The following POU2F3 variants were observed in gnomAD, a reference collection of about 807,000 sequenced individuals.
POU2F3 encodes POU class 2 homeobox 3, also known as POU domain, class 2, transcription factor 3.
A neutral mutation model predicts 59.2 loss-of-function variants in POU2F3; 23 were observed. That is an observed-to-expected ratio of 0.39 (90% confidence interval 0.28 to 0.55). POU2F3 has a LOEUF of 0.55. Ranked by LOEUF, POU2F3 falls within the 20% of genes least tolerant of loss-of-function variation. POU2F3 has a pLI of 0.66. For synonymous variants in POU2F3, 190 were observed against 214.6 expected, an observed-to-expected ratio of 0.89 and a Z score of 1.00; for missense variants, 473 against 544.5, an observed-to-expected ratio of 0.87 and a Z score of 1.31.
intron 12 of POU2F3, among the ~76,000 whole-genome samples, chr11:120,317,713 GC>G (rs5795226): frequency 0.31 from 46,743 of 152,054 alleles, 8,078 homozygotes; most frequent in Non-Finnish European, 0.39. Context: ...TCTGATGTGA[GC>G]CCAGAGCTTA....
intron 2 of POU2F3, among the ~76,000 whole-genome samples, chr11:120,253,284 G>A (rs1226162036): frequency 1.3e-5 from 2 of 150,480 alleles, no homozygotes; most frequent in Non-Finnish European, 3.0e-5. Flanking sequence ...TTTTGAGATG[G>A]AGTCTCACTC....
chr11:120,315,481 G>A (rs17245511), intron 11 of POU2F3, 54 bp downstream of exon 11: 228,881 of 1,524,482 alleles, frequency 0.15, 18,769 homozygotes, highest in South Asian at 0.23. Context: ...TAAAAAATGG[G>A]ATATTAGAAC....
chr11:120,295,406 C>T (rs1011976044), intron 3 of POU2F3, among the ~76,000 whole-genome samples: 2 of 152,240 alleles, frequency 1.3e-5, no homozygotes, highest in Non-Finnish European at 2.9e-5. Flanking sequence ...GCTCCACGTT[C>T]TCCCTCTGTC....
At chr11:120,288,119 C>T (rs369963419) in intron 3 of POU2F3, among the ~76,000 whole-genome samples, 1 of 12,230 alleles carries the variant, frequency 8.2e-5, no homozygotes, top group African/African-American at 4.4e-4. Context: ...AGAAAACAAA[C>T]AAAAAAACCA....
At position 120,307,499 on chromosome 11, in the gene POU2F3, T is replaced by A. The variant is rs1456250165; in HGVS notation, c.790T>A (p.Ser264Thr). Reference sequence around the variant, plus strand: ...TGCAGAGTCCTCTCCGTCAGACCCCTCAGTGAGCACGCCCAGCTCCTACCC... The same window carrying A: ...TGCAGAGTCCTCTCCGTCAGACCCCACAGTGAGCACGCCCAGCTCCTACCC... ...NDAESSPSDP[S>T]VSTPSSYPSL... Residue 264 changes from serine to threonine, a missense_variant, in exon 9 of 13, where the codon TCA becomes ACA. Ser to Thr is a moderately conservative substitution (Grantham distance 58). Transcript: ENST00000543440. The A allele has an allele frequency of 3.7e-6, 6 of 1,614,008 alleles. No individual in the cohort carries two copies. The South Asian group carries it at 4.4e-5, about 12-fold the overall frequency.
intron 2 of POU2F3, among the ~76,000 whole-genome samples, chr11:120,262,930 A>G (rs1484201943): frequency 1.3e-5 from 2 of 151,534 alleles, no homozygotes; most frequent in African/African-American, 4.8e-5. Flanking sequence ...CATAAAATTT[A>G]CTGTCTTAAC....
chr11:120,307,627 C>T lies in POU2F3; in HGVS notation c.906+12C>T. 2 of 1,613,824 alleles carry T rather than the reference C, an allele frequency of 1.2e-6. No individual in the cohort carries two copies. The highest frequency in any genetic ancestry group is 1.1e-5 in the South Asian group (1 of 91,072). On this transcript the variant is annotated intron_variant, in intron 9 of 12. Transcript: ENST00000543440. ...AGAGGTTTCAAGATGTGAGCAGCAC[C>T]TTCGGGTGGGCACGGGTGGGCTACC...
chr11:120,298,415 G>A, intron 4 of POU2F3, 25 bp downstream of exon 4: 2 of 1,612,554 alleles, frequency 1.2e-6, no homozygotes, highest in Non-Finnish European at 1.7e-6. Context: ...TTCACAGTGG[G>A]CCAGTGTGTT....
chr11:120,263,081 T>C, intron 2 of POU2F3, among the ~76,000 whole-genome samples: 1 of 152,116 alleles, frequency 6.6e-6, no homozygotes. Flanking sequence ...AAACTCTGCC[T>C]CCTAGGTTCA....
In POU2F3 at chr11:120,296,379, C is replaced by T. The variant is rs1441796593; in HGVS notation, c.133-1886C>T. Among the ~76,000 whole-genome samples, 4 of 152,192 alleles carry T rather than the reference C, an allele frequency of 2.6e-5. No individual in the cohort carries two copies. In the East Asian group the frequency reaches 7.7e-4, roughly 29 times the overall value. The stretch of plus-strand genomic sequence containing the variant: ...TAGTAGGATCTTCCTAATTGTCCAA[C>T]CAAAGATAATTCTTTTTTCATTTTA... On this transcript the variant is annotated intron_variant, in intron 3 of 12. Coordinates refer to ENST00000543440, the MANE Select transcript of POU2F3 (RefSeq NM_014352.4).
At chr11:120,237,057 T>A (rs574407033), upstream of POU2F3, among the ~76,000 whole-genome samples, 1 of 152,318 alleles carries the variant, frequency 6.6e-6, no homozygotes, top group South Asian at 2.1e-4. Context: ...AGGGCAGGAC[T>A]AAAATCCTGG....
At chr11:120,288,916 C>G (rs889294005) in intron 3 of POU2F3, among the ~76,000 whole-genome samples, 5 of 144,022 alleles carry the variant, frequency 3.5e-5, no homozygotes, top group African/African-American at 1.3e-4. Context: ...TTAAACCTCT[C>G]AAGACACCTT....
rs1341298830 is a variant in POU2F3, at chr11:120,307,512, C to T, written c.803C>T (p.Pro268Leu). The T allele has an allele frequency of 6.2e-7, 1 of 1,614,080 alleles. No individual in the cohort carries two copies. The highest frequency in any genetic ancestry group is 1.3e-5 in the African/African-American group (1 of 74,922). Residue 268 changes from proline (P) to leucine (L), a missense_variant, in exon 9 of 13, where the codon CCC becomes CTC. By Grantham distance (98) the Pro-to-Leu change is moderately conservative. Coordinates refer to ENST00000543440, the MANE Select transcript of POU2F3 (RefSeq NM_014352.4). ...CCGTCAGACCCCTCAGTGAGCACGC[C>T]CAGCTCCTACCCCAGCCTCAGTGAA... ...SSPSDPSVST[P>L]SSYPSLSEVF...
intron 2 of POU2F3, among the ~76,000 whole-genome samples, chr11:120,257,417 G>A (rs1939386891): frequency 6.6e-6 from 1 of 151,708 alleles, no homozygotes; most frequent in Admixed American, 6.6e-5. Context: ...CCGGCACCAC[G>A]TGACCTGCTC....
At chr11:120,307,315 A>G (rs1427630422) in intron 8 of POU2F3, among the ~76,000 whole-genome samples, 164 bp from the exon 9 acceptor site, 2 of 152,194 alleles carry the variant, frequency 1.3e-5, no homozygotes, top group Non-Finnish European at 2.9e-5. Context: ...ATGAAAAGAA[A>G]TAGGATTCTT....
In POU2F3 at chr11:120,298,457, C is replaced by T. The variant is rs890365420; in HGVS notation, c.258+67C>T. The T allele has an allele frequency of 1.9e-5, 30 of 1,592,914 alleles. No homozygotes were observed. In the African/African-American group the frequency reaches 3.7e-4, roughly 19 times the overall value. ...AATCCCTCTGTGAAATGCTCGACTT[C>T]CATGCTTGGTACTCGTCTAAAGAAC... On this transcript the variant is annotated intron_variant, in intron 4 of 12. Coordinates refer to ENST00000543440, the MANE Select transcript of POU2F3 (RefSeq NM_014352.4).
rs140667393 is a variant in POU2F3 at position 120,318,497 on chromosome 11, A to G, written c.*105A>G. 2.6e-6 allele frequency: 3 copies of G among 1,160,512 alleles called. No homozygotes were observed. In the East Asian group the frequency reaches 7.0e-5, roughly 27 times the overall value. 71.9% of individuals were successfully genotyped at this position (1,160,512 alleles called of 1,614,324 possible). A position where few individuals can be genotyped will look rare whatever the true frequency, so the allele number is the denominator to read the frequency against. On this transcript the variant is annotated 3_prime_UTR_variant, in exon 13 of 13. Transcript: ENST00000543440. The stretch of plus-strand genomic sequence containing the variant: ...GATTGCCTTCAGAAGAGTGGAAGAA[A>G]ATCTCCACTATCAATGAACCCAGAC...
chr11:120,236,835 G>A (rs576937079), upstream of POU2F3: 14 of 899,736 alleles, frequency 1.6e-5, no homozygotes, highest in African/African-American at 8.2e-5. Flanking sequence ...GGGACTTAGA[G>A]GGCACCCCAG....
intron 7 of POU2F3, chr11:120,305,426 C>T: frequency 1.1e-6 from 1 of 902,220 alleles, no homozygotes; most frequent in Admixed American, 2.8e-5. Context: ...AAGGGGCTGG[C>T]TCTCCTGAGC....
Sources: gnomAD v4.1 joint callset for allele counts (sites outside exome capture counted in the v4.1 genomes callset) on GRCh38, gnomAD v4.1.1 for gene constraint, MANE v1.5 for transcripts, NCBI Gene and HGNC (gene_info 2026-07-23, HGNC 2026-07-21) for gene names.